The following ZFYVE26 variants were observed in gnomAD, a reference collection of about 807,000 sequenced individuals.
ZFYVE26 encodes zinc finger FYVE domain-containing protein 26.
Under a neutral mutation model 276.5 loss-of-function variants are expected in ZFYVE26, and 181 were observed. The observed-to-expected ratio is 0.65, with a 90% CI of 0.58 to 0.74. ZFYVE26 has a LOEUF of 0.74. ZFYVE26 is among the 30% of genes least tolerant of loss of function. The pLI, the probability that ZFYVE26 is intolerant of heterozygous loss-of-function variation, is 0.00. For synonymous variants in ZFYVE26, 1,129 were observed against 1,203.1 expected (o/e 0.94, Z 1.27); for missense variants, 2,821 against 3,097.9 (o/e 0.91, Z 2.12).
intron 13 of ZFYVE26, among the ~76,000 whole-genome samples, chr14:67,740,768 C>G (rs558462365): frequency 6.6e-6 from 1 of 152,004 alleles, no homozygotes; most frequent in Non-Finnish European, 1.5e-5. Flanking sequence ...ATTAGCCGGG[C>G]GCAGTGGCAG....
chr14:67,780,260 T>A lies in ZFYVE26; in HGVS notation c.4655A>T (p.Asn1552Ile). The change falls in exon 23 of 42, where the codon AAC becomes ATC. Residue 1552 changes from asparagine (N) to isoleucine (I), a missense_variant. Transcript: ENST00000347230. ...CGGTACCTGTGCTTCTAGAATCATG[T>A]TCATGACAGTTGATGGGTCCTCAAC... ...CCVEDPSTVM[N>I]MILEAQEYEL... is the part of the protein sequence containing the mutation. 1 of 1,613,934 alleles carries A rather than the reference T, an allele frequency of 6.2e-7. No homozygotes were observed. The highest frequency in any genetic ancestry group is 8.5e-7 in the Non-Finnish European group (1 of 1,179,936).
In ZFYVE26 at chr14:67,753,702, C is replaced by T. The variant is rs2038706349; in HGVS notation, c.7188+5G>A. 6.2e-7 allele frequency: 1 copy of T among 1,613,100 alleles called. No individual in the cohort carries two copies. ...TCAGTATGATTTGAATGATCCAAGT[C>T]ATACCTGCAGAACACGGAAAGCAAT... On this transcript the variant is annotated splice_donor_5th_base_variant and intron_variant, in intron 39 of 41. Transcript: ENST00000347230.
chr14:67,806,568 T>C lies in ZFYVE26; in HGVS notation c.994A>G (p.Lys332Glu), dbSNP rs535820706. The C allele has an allele frequency of 1.2e-6, 2 of 1,614,208 alleles. No homozygotes were observed. Among genetic ancestry groups the C allele is most frequent in the South Asian group, 2.2e-5 (2 of 91,086 alleles). ...ACCAGAATCTGCTCGAGGAAGTGTTTGTTGTTGCTCAGGCAGTAGAAATAG... is the reference window on the plus strand; with the variant it reads ...ACCAGAATCTGCTCGAGGAAGTGTTCGTTGTTGCTCAGGCAGTAGAAATAG... ...VAYFYCLSNNKHFLEQILVTA... is the reference protein window; with the variant it reads ...VAYFYCLSNNEHFLEQILVTA... Residue 332 changes from lysine (K) to glutamate (E), a missense_variant, in exon 6 of 42, where the codon AAA (lysine) becomes GAA (glutamate). Transcript: ENST00000347230.
At chr14:67,745,384 C>T (rs2038469575), downstream of ZFYVE26, among the ~76,000 whole-genome samples, 1 of 152,082 alleles carries the variant, frequency 6.6e-6, no homozygotes, top group African/African-American at 2.4e-5. Context: ...GTGTCTTTTG[C>T]TGTGCAGAAG....
At chr14:67,769,875 C>T (rs1213781339) in intron 28 of ZFYVE26, 145 bp from the exon 29 acceptor site, 1 of 1,058,908 alleles carries the variant, frequency 9.4e-7, no homozygotes, top group Non-Finnish European at 1.4e-6. Context: ...AAAGGACACA[C>T]CAGTCCTTGC....
intron 35 of ZFYVE26, among the ~76,000 whole-genome samples, chr14:67,760,016 G>A (rs1215108535): frequency 6.6e-6 from 1 of 152,048 alleles, no homozygotes; most frequent in African/African-American, 2.4e-5. Flanking sequence ...TTCAGTTCAA[G>A]GGTAACTATG....
At chr14:67,792,570 T>A (rs951435421) in intron 14 of ZFYVE26, among the ~76,000 whole-genome samples, 12 of 152,182 alleles carry the variant, frequency 7.9e-5, no homozygotes, top group African/African-American at 2.9e-4. Context: ...ATACAAATAT[T>A]CTAGTCTGCT....
At chr14:67,738,368 TAAATATATACTTATA>T (rs1314161425) in intron 13 of ZFYVE26, among the ~76,000 whole-genome samples, 1 of 148,396 alleles carries the variant, frequency 6.7e-6, no homozygotes, top group East Asian at 1.9e-4. Context: ...AATATACTTA[TAAATATATACTTATA>T]AAATATATAC....
rs201116085 is a variant in ZFYVE26, at chr14:67,775,989, C to T, written c.5092G>A (p.Val1698Met). ...NMKVDWATVA[V>M]QTLQQLLVGQ... is the part of the protein sequence containing the mutation. ...ACCAGCAGCTGCTGGAGAGTCTGCA[C>T]AGCCACAGTGGCCCAATCCACCTTC... is the stretch of plus-strand genomic sequence containing the variant. The change falls in exon 26 of 42, where the codon GTG becomes ATG. Residue 1698 changes from valine to methionine, a missense_variant. Coordinates refer to ENST00000347230, the MANE Select transcript of ZFYVE26 (RefSeq NM_015346.4). 43 of 1,614,214 alleles carry T rather than the reference C, an allele frequency of 2.7e-5. No homozygotes were observed. The Admixed American group carries it at 3.8e-4, about 14-fold the overall frequency.
chr14:67,780,433 C>A (rs1396466921), intron 22 of ZFYVE26, 88 bp from the exon 23 acceptor site: 13 of 1,172,248 alleles, frequency 1.1e-5, no homozygotes, highest in Non-Finnish European at 1.5e-5. Flanking sequence ...GATGGGCCAT[C>A]CCTAGATCTC....
At chr14:67,772,562 C>CA (rs1240245293) in intron 27 of ZFYVE26, among the ~76,000 whole-genome samples, 2 of 152,152 alleles carry the variant, frequency 1.3e-5, no homozygotes, top group Non-Finnish European at 2.9e-5. Flanking sequence ...CTCCGGGGAA[C>CA]AAATGACTAG....
At chr14:67,761,332 G>A in intron 35 of ZFYVE26, 34 bp downstream of exon 35, 1 of 1,587,010 alleles carries the variant, frequency 6.3e-7, no homozygotes. Flanking sequence ...GAGTAAGGCA[G>A]GCACTGCCTT....
At chr14:67,743,043 G>A (rs985318768), downstream of ZFYVE26, among the ~76,000 whole-genome samples, 1 of 151,392 alleles carries the variant, frequency 6.6e-6, no homozygotes, top group African/African-American at 2.4e-5. Context: ...TCATTATGTT[G>A]GCCAGGCTGG....
At chr14:67,730,041 G>A (rs927806317) in intron 13 of ZFYVE26, among the ~76,000 whole-genome samples, 3 of 152,198 alleles carry the variant, frequency 2.0e-5, no homozygotes, top group Admixed American at 1.3e-4. Flanking sequence ...TCTGATGAGA[G>A]GGGAATGGAT....
rs748638700 is a variant in ZFYVE26 at position 67,762,764 on chromosome 14, C to G, written c.6067G>C (p.Val2023Leu). ...NILVAAAYRH[V>L]PSLDQILQPA... ...TGCAAGATCTGATCCAAAGATGGCA[C>G]GTGGCGATAGGCAGCAGCAACTAAA... Residue 2023 changes from valine to leucine, a missense_variant, in exon 33 of 42, where the codon GTG becomes CTG. Transcript: ENST00000347230. 5 of 1,614,066 alleles carry G rather than the reference C, an allele frequency of 3.1e-6. No individual in the cohort carries two copies. The highest frequency in any genetic ancestry group is 3.3e-5 in the Admixed American group (2 of 60,006).
At chr14:67,752,870 C>T (rs2038685705) in intron 39 of ZFYVE26, among the ~76,000 whole-genome samples, 1 of 152,114 alleles carries the variant, frequency 6.6e-6, no homozygotes, top group South Asian at 2.1e-4. Context: ...CCCTGGACAC[C>T]TGGTGCTCTG....
rs2040396703 is a variant in ZFYVE26 at position 67,815,940 on chromosome 14, C to T, written c.24G>A (p.Glu8=). The change falls in exon 2 of 42, where the codon GAG becomes GAA. Residue 8 remains glutamate, a synonymous_variant. Coordinates refer to ENST00000347230, the MANE Select transcript of ZFYVE26 (RefSeq NM_015346.4). The stretch of plus-strand genomic sequence containing the variant: ...AAAGCTGCTTCTGCGAAGCAGCTTC[C>T]TCTTTTCCAAATGGATGATTCATTT... The part of the protein sequence containing the change: MNHPFGK[E]EAASQKQLFG... The T allele has an allele frequency of 6.2e-7, 1 of 1,612,750 alleles. No individual in the cohort carries two copies.
rs7157923 is a variant in ZFYVE26 at position 67,771,782 on chromosome 14, T to G, written c.5484+265A>C. On this transcript the variant is annotated intron_variant, in intron 28 of 41. Coordinates refer to ENST00000347230, the MANE Select transcript of ZFYVE26 (RefSeq NM_015346.4). Reference sequence around the variant, plus strand: ...CAGAAACAAGATCCACTGACACCTGTTGACTCCTCCTGCCTCTTTTTTATT... The same window carrying G: ...CAGAAACAAGATCCACTGACACCTGGTGACTCCTCCTGCCTCTTTTTTATT... Among the ~76,000 whole-genome samples, 147,203 of 152,232 alleles carry G rather than the reference T, an allele frequency of 0.97. 71,310 individuals are homozygous for G. Among genetic ancestry groups the G allele is most frequent in the Non-Finnish European group, 1 (67,960 of 68,034 alleles).
chr14:67,794,775 T>C (rs900685559), intron 12 of ZFYVE26, among the ~76,000 whole-genome samples: 3 of 152,084 alleles, frequency 2.0e-5, no homozygotes, highest in Non-Finnish European at 4.4e-5. Context: ...CAAGACCCCG[T>C]CTACACAAAA....
Sources: allele counts gnomAD v4.1 joint callset (sites outside exome capture counted in the v4.1 genomes callset), GRCh38; gene constraint gnomAD v4.1.1; transcripts MANE v1.5; gene names NCBI Gene and HGNC (gene_info 2026-07-23, HGNC 2026-07-21).